FLCN: variants seen among roughly 807,000 people sequenced by gnomAD.
FLCN encodes folliculin.
In FLCN, 22 loss-of-function variants were observed where a neutral mutation model predicts 62.5. The ratio of observed to expected loss-of-function variants is 0.35; its 90% CI spans 0.25 to 0.50. The LOEUF is 0.50. Ranked by LOEUF, FLCN falls within the 20% of genes least tolerant of loss-of-function variation. The probability of loss-of-function intolerance (pLI) is 0.97; values close to 1 mark genes in which losing one functional copy is unlikely to be tolerated. For missense variants in FLCN, 657 were observed against 778.0 expected, an observed-to-expected ratio of 0.84 and a Z score of 1.85; for synonymous variants, 319 against 310.0, an observed-to-expected ratio of 1.03 and a Z score of -0.30.
chr17:17,227,745 A>T, intron 4 of FLCN, 144 bp downstream of exon 4: 1 of 1,151,938 alleles, frequency 8.7e-7, no homozygotes, highest in Non-Finnish European at 1.3e-6. Context: ...CAAAAGCTAC[A>T]GTCAGGATGA....
intron 6 of FLCN, chr17:17,223,137 A>G (rs1309023229): frequency 6.9e-6 from 2 of 291,734 alleles, no homozygotes; most frequent in Non-Finnish European, 1.4e-5. Flanking sequence ...TCTGTCGCCC[A>G]GGCTGGAGTG....
At chr17:17,225,724 A>C in intron 5 of FLCN, 1 of 270,840 alleles carries the variant, frequency 3.7e-6, no homozygotes, top group Admixed American at 4.5e-5. Context: ...AACAACAAAA[A>C]ACAAACCCCA....
At chr17:17,217,309 T>G (rs2046956180) in intron 9 of FLCN, 127 bp from the exon 10 acceptor site, 2 of 746,278 alleles carry the variant, frequency 2.7e-6, no homozygotes, top group East Asian at 5.4e-5. Context: ...GAAAGACACT[T>G]ATCTTCTCAG....
chr17:17,217,260 T>C, intron 9 of FLCN, 78 bp from the exon 10 acceptor site: 1 of 1,013,264 alleles, frequency 9.9e-7, no homozygotes, highest in Non-Finnish European at 1.5e-6. Context: ...GTTATTTGTG[T>C]GTTCATAAAA....
chr17:17,235,101 C>A (rs560989067), intron 1 of FLCN, among the ~76,000 whole-genome samples: 1 of 116,718 alleles, frequency 8.6e-6, no homozygotes, highest in Non-Finnish European at 1.7e-5. Flanking sequence ...CAGAGCAAGA[C>A]TCCATTTCAA....
intron 5 of FLCN, chr17:17,225,715 A>G (rs1009181628): frequency 2.6e-5 from 7 of 266,426 alleles, no homozygotes; most frequent in Non-Finnish European, 5.3e-5. Context: ...TGTCTTAACA[A>G]CAACAAAAAA....
At position 17,228,078 on chromosome 17, in the gene FLCN, G is replaced by A. The variant is rs776605909; in HGVS notation, c.60C>T (p.Phe20=). 15 of 1,613,678 alleles carry A rather than the reference G, an allele frequency of 9.3e-6. No homozygotes were observed. The South Asian group carries it at 1.5e-4, about 17-fold the overall frequency. The part of the protein sequence containing the change: ...FCELHGPRTL[F]CTEVLHAPLP... ...GTGGGGCGTGCAGCACCTCCGTGCA[G>A]AAGAGAGTGCGGGGGCCGTGGAGCT... Residue 20 remains phenylalanine, a synonymous_variant, in exon 4 of 14, where the codon TTC becomes TTT. Transcript: ENST00000285071.
Position 17,223,951 on chromosome 17 carries a change from T to A in FLCN, c.589A>T (p.Ile197Phe). The A allele has an allele frequency of 6.2e-7, 1 of 1,613,440 alleles. No homozygotes were observed. The highest frequency in any genetic ancestry group is 8.5e-7 in the Non-Finnish European group (1 of 1,180,040). The change falls in exon 6 of 14, where the codon ATC becomes TTC. Residue 197 changes from isoleucine (I) to phenylalanine (F), a missense_variant. Ile to Phe is a conservative substitution (Grantham distance 21). Coordinates refer to ENST00000285071, the MANE Select transcript of FLCN (RefSeq NM_144997.7). ...PFLLGKVRGI[I>F]DELQGKALKV... ...AGCGCCTTGCCCTGGAGCTCATCGA[T>A]GATTCCCCGGACCTTCCCCAGCAGG...
chr17:17,214,214 T>A (rs2046836701), intron 13 of FLCN, among the ~76,000 whole-genome samples: 1 of 151,956 alleles, frequency 6.6e-6, no homozygotes, highest in Admixed American at 6.6e-5. Flanking sequence ...TGATTTTAAA[T>A]CAGGACAATG....
chr17:17,212,627 A>T lies in FLCN; in HGVS notation c.*1028T>A. Reference sequence around the variant, plus strand: ...CGGTGAAACCCCGTCTCTACTAAAAAATACAAAAATTAGCTGGGCATAGTG... The same window carrying T: ...CGGTGAAACCCCGTCTCTACTAAAATATACAAAAATTAGCTGGGCATAGTG... On this transcript the variant is annotated 3_prime_UTR_variant, in exon 14 of 14. Transcript: ENST00000285071. 1 of 178,008 alleles carries T rather than the reference A, an allele frequency of 5.6e-6. No homozygotes were observed. Among genetic ancestry groups the T allele is most frequent in the East Asian group, 9.5e-5 (1 of 10,546 alleles). The allele number at this position is 178,008 out of a possible 1,614,324, so 11.0% of individuals were successfully genotyped here. A position where few individuals can be genotyped will look rare whatever the true frequency, so the allele number is the denominator to read the frequency against.
intron 3 of FLCN, among the ~76,000 whole-genome samples, chr17:17,230,754 GT>G (rs1334356292): frequency 6.6e-6 from 1 of 151,426 alleles, no homozygotes; most frequent in Admixed American, 6.6e-5. Context: ...GTAGCCTGGA[GT>G]GGTGGCGCAC....
chr17:17,225,867 C>G, intron 5 of FLCN: 1 of 443,230 alleles, frequency 2.3e-6, no homozygotes, highest in Non-Finnish European at 4.4e-6. Flanking sequence ...GACGACAGAG[C>G]GAGACCCTGA....
chr17:17,214,157 T>C (rs2046835131), intron 13 of FLCN, among the ~76,000 whole-genome samples: 2 of 149,426 alleles, frequency 1.3e-5, no homozygotes, highest in South Asian at 4.2e-4. Flanking sequence ...AAGAAAAACC[T>C]TCCTTAAACT....
At chr17:17,219,531 CTCG>C in intron 8 of FLCN, 2 of 272,014 alleles carry the variant, frequency 7.4e-6, no homozygotes, top group Non-Finnish European at 6.9e-6. Flanking sequence ...GGCCACAGTT[CTCG>C]AGGATCTACA....
At chr17:17,233,716 C>CTTTTTT (rs34208211) in intron 1 of FLCN, among the ~76,000 whole-genome samples, 6 of 63,954 alleles carry the variant, frequency 9.4e-5, no homozygotes, top group African/African-American at 3.1e-4. Context: ...CCCATCTTTC[C>CTTTTTT]TTTTTTTTTT....
At chr17:17,223,785 A>G in intron 6 of FLCN, 137 bp downstream of exon 6, 9 of 881,842 alleles carry the variant, frequency 1.0e-5, no homozygotes. Context: ...TGAAGCCAAG[A>G]GACTACAATT....
intron 2 of FLCN, among the ~76,000 whole-genome samples, chr17:17,232,445 T>C (rs1444168039): frequency 6.6e-6 from 1 of 151,994 alleles, no homozygotes; most frequent in Non-Finnish European, 1.5e-5. Context: ...AGGGGCGGAA[T>C]CTAGGGGCGG....
chr17:17,228,222 A>G, intron 3 of FLCN, 61 bp from the exon 4 acceptor site: 1 of 1,545,820 alleles, frequency 6.5e-7, no homozygotes, highest in South Asian at 1.2e-5. Context: ...AAACCTCCCC[A>G]GCCCCTCTGG....
rs1225531030 is a variant in FLCN, at chr17:17,219,163, C to A, written c.918G>T (p.Glu306Asp). ...CTGGCAACACAGGGGCTTTCTCCTC[C>A]TCTTCAGCCTCAGAGTTGTCCCAGC... is the stretch of plus-strand genomic sequence containing the variant. ...SESWDNSEAE[E>D]EEKAPVLPES... is the part of the protein sequence containing the mutation. The change falls in exon 9 of 14, where the codon GAG (glutamate) becomes GAT (aspartate). Residue 306 changes from glutamate (E) to aspartate (D), a missense_variant. Transcript: ENST00000285071. The A allele has an allele frequency of 6.2e-7, 1 of 1,614,228 alleles. No homozygotes were observed.
Sources: allele counts gnomAD v4.1 joint callset (sites outside exome capture counted in the v4.1 genomes callset), GRCh38; gene constraint gnomAD v4.1.1; transcripts MANE v1.5; gene names NCBI Gene and HGNC (gene_info 2026-07-23, HGNC 2026-07-21).